The following PLCB1 variants were observed in gnomAD, a reference collection of about 807,000 sequenced individuals.
The protein encoded by PLCB1 is phospholipase C beta 1, also known as 1-phosphatidylinositol 4,5-bisphosphate phosphodiesterase beta-1.
A neutral mutation model predicts 161.8 loss-of-function variants in PLCB1; 46 were observed. The observed-to-expected ratio is 0.28, with a 90% CI of 0.22 to 0.36. The LOEUF (loss-of-function observed/expected upper bound fraction) is 0.36. Among genes scored for constraint, PLCB1 ranks in the 10% least tolerant of loss-of-function variants. PLCB1 has a pLI of 1.00. For missense variants in PLCB1, 1,016 were observed against 1,472.5 expected (o/e 0.69, Z 5.07); for synonymous variants, 517 against 503.7 (o/e 1.03, Z -0.35).
chr20:8,529,859 C>A (rs544413525), intron 3 of PLCB1, among the ~76,000 whole-genome samples: 1 of 152,224 alleles, frequency 6.6e-6, no homozygotes, highest in African/African-American at 2.4e-5. Flanking sequence ...TTCAAGAGTT[C>A]TGTAACTCTT....
intron 3 of PLCB1, among the ~76,000 whole-genome samples, chr20:8,537,309 T>C (rs1465503643): frequency 6.6e-6 from 1 of 152,188 alleles, no homozygotes; most frequent in African/African-American, 2.4e-5. Context: ...CTGCATCTTT[T>C]GTCCCTTTTC....
chr20:8,204,813 G>C (rs1215917407), intron 2 of PLCB1, among the ~76,000 whole-genome samples: 4 of 152,110 alleles, frequency 2.6e-5, no homozygotes, highest in Admixed American at 1.3e-4. Context: ...TTCTAAGTCT[G>C]TTGTTATTCA....
intron 31 of PLCB1, 59 bp downstream of exon 31, chr20:8,790,320 TA>T: frequency 7.6e-7 from 1 of 1,321,178 alleles, no homozygotes; most frequent in East Asian, 2.5e-5. Context: ...TTAGTAAGAG[TA>T]AAACCTTCCT....
At chr20:8,566,182 A>G (rs779726132) in intron 3 of PLCB1, among the ~76,000 whole-genome samples, 1 of 152,188 alleles carries the variant, frequency 6.6e-6, no homozygotes, top group Non-Finnish European at 1.5e-5. Flanking sequence ...GCCTTACAAC[A>G]GGCTACTATC....
intron 3 of PLCB1, among the ~76,000 whole-genome samples, chr20:8,566,185 C>T (rs1986328238): frequency 6.6e-6 from 1 of 152,032 alleles, no homozygotes; most frequent in Non-Finnish European, 1.5e-5. Context: ...TTACAACAGG[C>T]TACTATCTAC....
chr20:8,772,229 T>C (rs764314678), intron 26 of PLCB1, among the ~76,000 whole-genome samples: 3 of 152,002 alleles, frequency 2.0e-5, no homozygotes, highest in Non-Finnish European at 2.9e-5. Context: ...GATGATAATA[T>C]AGAGTACAAA....
At chr20:8,392,871 C>T (rs1987652315) in intron 3 of PLCB1, among the ~76,000 whole-genome samples, 2 of 152,128 alleles carry the variant, frequency 1.3e-5, no homozygotes, top group South Asian at 2.1e-4. Flanking sequence ...TAGGTATTTT[C>T]GTAGATGAAA....
At chr20:8,627,777 T>C (rs1258707741) in intron 3 of PLCB1, among the ~76,000 whole-genome samples, 1 of 152,238 alleles carries the variant, frequency 6.6e-6, no homozygotes, top group Non-Finnish European at 1.5e-5. Flanking sequence ...AACATATGCA[T>C]GGCAGGCACT....
chr20:8,216,796 C>T (rs1979154760), intron 2 of PLCB1, among the ~76,000 whole-genome samples: 1 of 152,230 alleles, frequency 6.6e-6, no homozygotes, highest in African/African-American at 2.4e-5. Context: ...AAATATTTGA[C>T]ATCTGCGGTG....
At chr20:8,366,968 A>G (rs932466497) in intron 2 of PLCB1, among the ~76,000 whole-genome samples, 2 of 152,232 alleles carry the variant, frequency 1.3e-5, no homozygotes, top group Admixed American at 6.5e-5. Flanking sequence ...CAAAGGTTCT[A>G]TGGGAGAACA....
At chr20:8,681,119 T>TACATATAA (rs1485697576) in intron 9 of PLCB1, among the ~76,000 whole-genome samples, 1 of 82,094 alleles carries the variant, frequency 1.2e-5, no homozygotes, top group African/African-American at 5.9e-5. Context: ...TATATATATA[T>TACATATAA]AATATATATA....
At chr20:8,591,241 T>C (rs1367997816) in intron 3 of PLCB1, among the ~76,000 whole-genome samples, 1 of 152,174 alleles carries the variant, frequency 6.6e-6, no homozygotes, top group Non-Finnish European at 1.5e-5. Context: ...TAATACTCAC[T>C]TGCCATGTAA....
chr20:8,267,353 G>A (rs1982021833), intron 2 of PLCB1, among the ~76,000 whole-genome samples: 1 of 152,146 alleles, frequency 6.6e-6, no homozygotes, highest in Non-Finnish European at 1.5e-5. Flanking sequence ...CTGCGGGGTA[G>A]CCTGTCTGAC....
intron 3 of PLCB1, among the ~76,000 whole-genome samples, chr20:8,453,762 T>A (rs143292127): frequency 1.2e-3 from 189 of 152,144 alleles, no homozygotes; most frequent in African/African-American, 4.3e-3. Context: ...CATGTAGAAA[T>A]CTGGAAGAAG....
In PLCB1 at chr20:8,132,399, C is replaced by T. The variant is rs1489040268; in HGVS notation, c.-253C>T. The stretch of plus-strand genomic sequence containing the variant: ...CGGCTTCTCTTCGCCTTCCGAGGCT[C>T]CTCATCCACCGCGGGCTCCAGACCT... On this transcript the variant is annotated 5_prime_UTR_variant, in exon 1 of 32. Transcript: ENST00000338037. The surrounding 1 kb of genome is among the most constrained non-coding windows in gnomAD (Gnocchi z 5.2). The T allele has an allele frequency of 3.5e-6, 1 of 285,272 alleles. No homozygotes were observed. The highest frequency in any genetic ancestry group is 6.5e-6 in the Non-Finnish European group (1 of 154,350). 17.7% of individuals were successfully genotyped at this position (285,272 alleles called of 1,614,324 possible). A position where few individuals can be genotyped will look rare whatever the true frequency, so the allele number is the denominator to read the frequency against.
At chr20:8,745,161 A>C (rs1317245900) in intron 23 of PLCB1, among the ~76,000 whole-genome samples, 1 of 152,198 alleles carries the variant, frequency 6.6e-6, no homozygotes, top group Non-Finnish European at 1.5e-5. Flanking sequence ...TCATTTTTAC[A>C]ACTCAAGGAA....
intron 9 of PLCB1, among the ~76,000 whole-genome samples, chr20:8,662,582 A>T (rs910693247): frequency 6.9e-6 from 1 of 145,600 alleles, no homozygotes; most frequent in Admixed American, 7.1e-5. Context: ...TTATTAACAT[A>T]ATATCTAAAT....
At chr20:8,516,385 A>G (rs1984114376) in intron 3 of PLCB1, among the ~76,000 whole-genome samples, 1 of 152,122 alleles carries the variant, frequency 6.6e-6, no homozygotes, top group Admixed American at 6.5e-5. Context: ...TTTGCCCACA[A>G]TGAGGCCAAA....
intron 31 of PLCB1, among the ~76,000 whole-genome samples, chr20:8,808,378 A>G (rs1247569460): frequency 2.0e-5 from 3 of 152,192 alleles, no homozygotes; most frequent in Non-Finnish European, 4.4e-5. Context: ...GCGCATGCAC[A>G]CGCTGGCACT....
Sources: allele counts gnomAD v4.1 joint callset (sites outside exome capture counted in the v4.1 genomes callset), GRCh38; gene constraint gnomAD v4.1.1; non-coding constraint Gnocchi (gnomAD v3.1); transcripts MANE v1.5; gene names NCBI Gene and HGNC (gene_info 2026-07-23, HGNC 2026-07-21).